The following TBCK variants were observed in gnomAD, a reference collection of about 807,000 sequenced individuals.
TBCK encodes TBC domain-containing protein kinase-like protein.
Under a neutral mutation model 113.4 loss-of-function variants are expected in TBCK, and 99 were observed. The observed-to-expected ratio is 0.87, with a 90% CI of 0.74 to 1.03. TBCK has a LOEUF of 1.03. Among genes scored for constraint, TBCK ranks in the 50% least tolerant of loss-of-function variants. The probability of loss-of-function intolerance (pLI) is 0.00; values close to 1 mark genes in which losing one functional copy is unlikely to be tolerated. For missense variants in TBCK, 1,045 were observed against 1,061.3 expected, an observed-to-expected ratio of 0.98 and a Z score of 0.21; for synonymous variants, 369 against 370.8, an observed-to-expected ratio of 1.00 and a Z score of 0.05.
intron 3 of TBCK, among the ~76,000 whole-genome samples, chr4:106,264,606 T>C (rs914018107): frequency 6.6e-6 from 1 of 151,958 alleles, no homozygotes; most frequent in Non-Finnish European, 1.5e-5. Context: ...TTAACACATA[T>C]TTACTGTAGA....
At chr4:106,242,975 T>A (rs1187864318) in intron 11 of TBCK, among the ~76,000 whole-genome samples, 1 of 151,380 alleles carries the variant, frequency 6.6e-6, no homozygotes, top group Admixed American at 6.6e-5. Context: ...TGGTTTTTTG[T>A]TCTTGCGATA....
intron 17 of TBCK, among the ~76,000 whole-genome samples, chr4:106,232,439 T>A (rs1280050598): frequency 6.6e-6 from 1 of 151,748 alleles, no homozygotes; most frequent in African/African-American, 2.4e-5. Context: ...GGAATGGGTT[T>A]CTCATTCTTT....
intron 23 of TBCK, among the ~76,000 whole-genome samples, chr4:106,117,470 G>A (rs1743661063): frequency 6.6e-6 from 1 of 152,114 alleles, no homozygotes; most frequent in Admixed American, 6.5e-5. Flanking sequence ...CTAACAATGT[G>A]TCTTAACTGT....
intron 23 of TBCK, among the ~76,000 whole-genome samples, chr4:106,137,287 A>C (rs1746667203): frequency 7.1e-6 from 1 of 141,112 alleles, no homozygotes; most frequent in Non-Finnish European, 1.6e-5. Context: ...TAATGCTGAG[A>C]AAAATCTTAA....
intron 24 of TBCK, among the ~76,000 whole-genome samples, chr4:106,104,015 C>G (rs555620955): frequency 6.6e-6 from 1 of 152,312 alleles, no homozygotes; most frequent in Middle Eastern, 3.4e-3. Context: ...CCTTGTGAAC[C>G]CACTCCACCA....
chr4:106,140,574 T>C lies in TBCK; in HGVS notation c.2236-24196A>G, dbSNP rs559314479. Among the ~76,000 whole-genome samples, 3 of 141,508 alleles carry C rather than the reference T, an allele frequency of 2.1e-5. 1 individual carries two copies. The South Asian group carries it at 7.1e-4, about 34-fold the overall frequency. 92.8% of individuals were successfully genotyped at this position (141,508 alleles called of 152,430 possible). A position where few individuals can be genotyped will look rare whatever the true frequency, so the allele number is the denominator to read the frequency against. ...AAGAAAATTTAAGAGTACTTATTAT[T>C]GTGTATCACTAGAAACAACAATCAC... On this transcript the variant is annotated intron_variant, in intron 23 of 25. Transcript: ENST00000394708.
intron 23 of TBCK, among the ~76,000 whole-genome samples, chr4:106,128,701 T>A (rs1194953163): frequency 6.6e-6 from 1 of 152,152 alleles, no homozygotes; most frequent in Admixed American, 6.5e-5. Flanking sequence ...AAACTTTATT[T>A]TTCCTTAGGG....
At chr4:106,150,334 G>A (rs1395361215) in intron 23 of TBCK, among the ~76,000 whole-genome samples, 1 of 152,058 alleles carries the variant, frequency 6.6e-6, no homozygotes, top group Non-Finnish European at 1.5e-5. Context: ...TCCCCCATAT[G>A]AATAATCATT....
chr4:106,071,682 C>T (rs1422415029), intron 25 of TBCK, among the ~76,000 whole-genome samples: 1 of 152,020 alleles, frequency 6.6e-6, no homozygotes, highest in East Asian at 1.9e-4. Context: ...TGATCTGTCT[C>T]ATACTGACAG....
At chr4:106,133,661 C>T (rs75104199) in intron 23 of TBCK, among the ~76,000 whole-genome samples, 362 of 152,314 alleles carry the variant, frequency 2.4e-3, no homozygotes, top group Non-Finnish European at 4.4e-3. Context: ...TGATGTTTAT[C>T]TACATTTTCA....
chr4:106,146,708 C>A (rs1430588216), intron 23 of TBCK, among the ~76,000 whole-genome samples: 2 of 152,170 alleles, frequency 1.3e-5, no homozygotes, highest in Non-Finnish European at 2.9e-5. Context: ...TTTAACTAAT[C>A]AAAGTAATGG....
chr4:106,203,679 T>G (rs1334802523), intron 20 of TBCK, among the ~76,000 whole-genome samples: 1 of 151,364 alleles, frequency 6.6e-6, no homozygotes, highest in African/African-American at 2.4e-5. Context: ...GATAATTTAA[T>G]GGTTCTGAGA....
intron 10 of TBCK, among the ~76,000 whole-genome samples, chr4:106,246,813 A>G (rs1041837431): frequency 6.6e-6 from 1 of 151,966 alleles, no homozygotes; most frequent in Non-Finnish European, 1.5e-5. Context: ...CTATATATAT[A>G]TATTTGTGCG....
intron 1 of TBCK, chr4:106,315,658 T>A (rs952660147): frequency 3.3e-5 from 5 of 152,278 alleles, no homozygotes; most frequent in African/African-American, 1.2e-4. Context: ...AGGGGCGGAT[T>A]CTAGATTCTC....
At chr4:106,174,665 A>G (rs1163544812) in intron 22 of TBCK, among the ~76,000 whole-genome samples, 1 of 152,094 alleles carries the variant, frequency 6.6e-6, no homozygotes, top group East Asian at 1.9e-4. Flanking sequence ...TTCTTTTTAA[A>G]TCTTCTATTC....
At chr4:106,106,634 T>C (rs1201253997) in intron 24 of TBCK, among the ~76,000 whole-genome samples, 1 of 152,150 alleles carries the variant, frequency 6.6e-6, no homozygotes, top group Non-Finnish European at 1.5e-5. Flanking sequence ...TTACAAGAGA[T>C]CTTGAAAGCA....
chr4:106,122,424 A>G (rs1224571439), intron 23 of TBCK, among the ~76,000 whole-genome samples: 2 of 152,188 alleles, frequency 1.3e-5, no homozygotes, highest in East Asian at 1.9e-4. Context: ...AGATGGATTC[A>G]CAGTTGAATT....
chr4:106,046,701 A>C lies in TBCK; in HGVS notation c.2572-21T>G, dbSNP rs575629444. 2.1e-4 allele frequency: 289 copies of C among 1,364,198 alleles called. 8 individuals are homozygous for C. The South Asian group carries it at 3.3e-3, about 16-fold the overall frequency. The allele number at this position is 1,364,198 out of a possible 1,614,324, so 84.5% of individuals were successfully genotyped here. A position where few individuals can be genotyped will look rare whatever the true frequency, so the allele number is the denominator to read the frequency against. On this transcript the variant is annotated intron_variant, in intron 25 of 25. Transcript: ENST00000394708. ...GCAAACTGGAAAAAAAAAGAGGCAA[A>C]ATTTTTAGAGGATATACAGAAGACA...
At chr4:106,233,442 CA>C in intron 16 of TBCK, 145 bp downstream of exon 16, 1 of 664,950 alleles carries the variant, frequency 1.5e-6, no homozygotes, top group South Asian at 1.9e-5. Context: ...AATTTATAAG[CA>C]TAAGAGTTAT....
Sources: gnomAD v4.1 joint callset for allele counts (sites outside exome capture counted in the v4.1 genomes callset) on GRCh38, gnomAD v4.1.1 for gene constraint, MANE v1.5 for transcripts, NCBI Gene and HGNC (gene_info 2026-07-23, HGNC 2026-07-21) for gene names.